Variants in MACROD2 observed in about 807,000 individuals in gnomAD.
MACROD2 encodes the protein ADP-ribose glycohydrolase MACROD2.
Under a neutral mutation model 70.4 loss-of-function variants are expected in MACROD2, and 36 were observed. The ratio of observed to expected loss-of-function variants is 0.51; its 90% CI spans 0.39 to 0.68. MACROD2 has a LOEUF of 0.68. Among genes scored for constraint, MACROD2 ranks in the 30% least tolerant of loss-of-function variants. MACROD2 has a pLI of 0.00. For synonymous variants in MACROD2, 172 were observed against 178.8 expected (o/e 0.96, Z 0.30); for missense variants, 496 against 538.4 (o/e 0.92, Z 0.78).
chr20:15,849,295 G>A (rs1057194709), intron 8 of MACROD2, among the ~76,000 whole-genome samples: 1 of 152,146 alleles, frequency 6.6e-6, no homozygotes, highest in East Asian at 1.9e-4. Flanking sequence ...TGCAGGAGTG[G>A]GAGGGACATC....
intron 3 of MACROD2, among the ~76,000 whole-genome samples, chr20:14,188,541 G>A (rs1379038636): frequency 6.6e-6 from 1 of 151,976 alleles, no homozygotes; most frequent in Non-Finnish European, 1.5e-5. Context: ...CATGCTTTCA[G>A]GATTTTCTTA....
At chr20:14,043,904 G>A (rs1310944602) in intron 2 of MACROD2, among the ~76,000 whole-genome samples, 1 of 152,184 alleles carries the variant, frequency 6.6e-6, no homozygotes, top group Non-Finnish European at 1.5e-5. Context: ...ATCCATGGGC[G>A]AAAACCTGTG....
At chr20:15,367,030 A>T (rs1310605197) in intron 6 of MACROD2, among the ~76,000 whole-genome samples, 1 of 137,296 alleles carries the variant, frequency 7.3e-6, no homozygotes, top group Admixed American at 7.4e-5. Flanking sequence ...AAAATTACTG[A>T]TTTTTTTTTT....
intron 5 of MACROD2, among the ~76,000 whole-genome samples, chr20:14,941,318 C>T (rs970989326): frequency 6.6e-5 from 10 of 151,916 alleles, no homozygotes; most frequent in African/African-American, 2.4e-4. Context: ...GTAGTCCTGC[C>T]TCACCTCTTT....
chr20:15,303,799 A>G (rs1340514937), intron 6 of MACROD2, among the ~76,000 whole-genome samples: 1 of 152,082 alleles, frequency 6.6e-6, no homozygotes, highest in Admixed American at 6.6e-5. Context: ...CCAACACGCC[A>G]GTTCTGATCA....
At chr20:15,754,764 C>A (rs753456958) in intron 8 of MACROD2, among the ~76,000 whole-genome samples, 4 of 150,430 alleles carry the variant, frequency 2.7e-5, no homozygotes, top group Non-Finnish European at 5.9e-5. Context: ...TATGTATACC[C>A]TAAAGAATTA....
intron 7 of MACROD2, among the ~76,000 whole-genome samples, chr20:15,464,641 G>A (rs892366305): frequency 6.6e-6 from 1 of 152,170 alleles, no homozygotes; most frequent in Non-Finnish European, 1.5e-5. Flanking sequence ...CACTCTGACT[G>A]TATTGAAGAT....
intron 6 of MACROD2, among the ~76,000 whole-genome samples, chr20:15,340,623 C>T (rs1000674550): frequency 1.3e-5 from 2 of 152,080 alleles, no homozygotes; most frequent in East Asian, 3.9e-4. Flanking sequence ...GAGCTCTTTC[C>T]GCCAGACTAA....
intron 4 of MACROD2, among the ~76,000 whole-genome samples, chr20:14,612,480 A>G (rs1008444636): frequency 6.6e-6 from 1 of 152,120 alleles, no homozygotes; most frequent in African/African-American, 2.4e-5. Flanking sequence ...AAATCACATA[A>G]TTATTATGGG....
chr20:14,536,721 T>C (rs2085371006), intron 4 of MACROD2, among the ~76,000 whole-genome samples: 1 of 152,060 alleles, frequency 6.6e-6, no homozygotes, highest in South Asian at 2.1e-4. Flanking sequence ...ATTTTTTATA[T>C]TTGTTTCACT....
Position 15,893,720 on chromosome 20 carries a change from A to T in MACROD2, c.775+7909A>T, listed in dbSNP as rs757181656. The T allele has an allele frequency of 5.0e-5, 23 of 456,618 alleles. 1 individual carries two copies. Among genetic ancestry groups the T allele is most frequent in the Admixed American group, 1.6e-4 (7 of 42,564 alleles). The allele number at this position is 456,618 out of a possible 1,614,324, so 28.3% of individuals were successfully genotyped here. On this transcript the variant is annotated intron_variant, in intron 10 of 17. Transcript: ENST00000684519. The stretch of plus-strand genomic sequence containing the variant: ...AGCAGTACAAAATTTTAAAGGGAGC[A>T]TATTTACGCTTTGTCTTTCTTGCCT...
At chr20:14,336,917 CAGGAGT>C (rs2082947887) in intron 3 of MACROD2, among the ~76,000 whole-genome samples, 1 of 152,154 alleles carries the variant, frequency 6.6e-6, no homozygotes, top group African/African-American at 2.4e-5. Context: ...CATAAGTCTC[CAGGAGT>C]AGCTCGGCTA....
At chr20:15,185,309 A>G (rs2076527653) in intron 5 of MACROD2, among the ~76,000 whole-genome samples, 1 of 152,154 alleles carries the variant, frequency 6.6e-6, no homozygotes, top group African/African-American at 2.4e-5. Context: ...AGATAATATA[A>G]TATTCTTTTG....
chr20:15,153,131 T>G (rs1414533571), intron 5 of MACROD2, among the ~76,000 whole-genome samples: 1 of 152,030 alleles, frequency 6.6e-6, no homozygotes, highest in Non-Finnish European at 1.5e-5. Context: ...GGTCCCCCAG[T>G]TCGAGTCACG....
At chr20:15,812,280 ACTGTTAT>A (rs2063829323) in intron 8 of MACROD2, among the ~76,000 whole-genome samples, 1 of 152,106 alleles carries the variant, frequency 6.6e-6, no homozygotes, top group Non-Finnish European at 1.5e-5. Flanking sequence ...TATTTTTCAC[ACTGTTAT>A]CTGAACTGAT....
chr20:15,021,142 G>GTGTATACACACACCTGTGTGTA (rs1418938598), intron 5 of MACROD2, among the ~76,000 whole-genome samples: 8 of 130,074 alleles, frequency 6.2e-5, no homozygotes, highest in African/African-American at 2.3e-4. Context: ...ACATACGTGT[G>GTGTATACACACACCTGTGTGTA]TGTATACACA....
chr20:16,046,440 A>G (rs1888653323), intron 17 of MACROD2, among the ~76,000 whole-genome samples: 1 of 152,042 alleles, frequency 6.6e-6, no homozygotes, highest in African/African-American at 2.4e-5. Flanking sequence ...ACTAAACTTG[A>G]ACAATTTAAA....
intron 3 of MACROD2, among the ~76,000 whole-genome samples, chr20:14,343,307 A>G (rs1454427943): frequency 6.6e-6 from 1 of 152,142 alleles, no homozygotes; most frequent in Non-Finnish European, 1.5e-5. Flanking sequence ...GATTGAGTCA[A>G]TCATTTCTAT....
intron 2 of MACROD2, among the ~76,000 whole-genome samples, chr20:14,027,375 T>C (rs2053185041): frequency 6.6e-6 from 1 of 152,120 alleles, no homozygotes; most frequent in Non-Finnish European, 1.5e-5. Flanking sequence ...TTTTTTCAAG[T>C]TTCTTAGCTT....
Sources: gnomAD v4.1 joint callset for allele counts (sites outside exome capture counted in the v4.1 genomes callset) on GRCh38, gnomAD v4.1.1 for gene constraint, MANE v1.5 for transcripts, NCBI Gene and HGNC (gene_info 2026-07-23, HGNC 2026-07-21) for gene names.